The following CDC40 variants were observed in gnomAD, a reference collection of about 807,000 sequenced individuals.
CDC40 encodes cell division cycle 40, also known as pre-mRNA-processing factor 17.
In CDC40, 27 loss-of-function variants were observed where a neutral mutation model predicts 80.6. The observed-to-expected ratio is 0.33, with a 90% CI of 0.25 to 0.46. The LOEUF (loss-of-function observed/expected upper bound fraction) is 0.46. Ranked by LOEUF, CDC40 falls within the 20% of genes least tolerant of loss-of-function variation. The pLI, the probability that CDC40 is intolerant of heterozygous loss-of-function variation, is 1.00. For synonymous variants in CDC40, 221 were observed against 232.6 expected (o/e 0.95, Z 0.45); for missense variants, 486 against 694.1 (o/e 0.70, Z 3.37).
chr6:110,227,100 G>A (rs1777873956), intron 13 of CDC40, among the ~76,000 whole-genome samples: 1 of 152,076 alleles, frequency 6.6e-6, no homozygotes, highest in African/African-American at 2.4e-5. Context: ...GAACACTTTA[G>A]CAATTCACTA....
chr6:110,186,440 C>T (rs529069036), intron 1 of CDC40, among the ~76,000 whole-genome samples: 187 of 152,084 alleles, frequency 1.2e-3, no homozygotes, highest in Non-Finnish European at 3.2e-4. Flanking sequence ...GCCAGAATCA[C>T]GCCACTGCAC....
rs114042170 is a variant in CDC40, at chr6:110,190,353, T to C, written c.190-2829T>C. Among the ~76,000 whole-genome samples the C allele has an allele frequency of 2.3e-3, 349 of 152,068 alleles. 1 individual carries two copies. Among genetic ancestry groups the C allele is most frequent in the African/African-American group, 8.1e-3 (337 of 41,456 alleles). ...AGCAATTAGTCTAATATGACAAAAGTGAGGGTGTATTAAAGCAGATAAGGA... is the reference window on the plus strand; with the variant it reads ...AGCAATTAGTCTAATATGACAAAAGCGAGGGTGTATTAAAGCAGATAAGGA... On this transcript the variant is annotated intron_variant, in intron 1 of 14. Coordinates refer to ENST00000307731, the MANE Select transcript of CDC40 (RefSeq NM_015891.3).
At chr6:110,186,377 G>C (rs1214022913) in intron 1 of CDC40, among the ~76,000 whole-genome samples, 1 of 152,028 alleles carries the variant, frequency 6.6e-6, no homozygotes, top group African/African-American at 2.4e-5. Context: ...CCAGCTACTT[G>C]GGAGGCTAAG....
At chr6:110,192,828 A>C (rs903613167) in intron 1 of CDC40, among the ~76,000 whole-genome samples, 2 of 152,232 alleles carry the variant, frequency 1.3e-5, no homozygotes, top group African/African-American at 4.8e-5. Context: ...CAGTTTGCTG[A>C]GTAAAAAAAG....
chr6:110,184,369 G>A (rs904737855), intron 1 of CDC40, among the ~76,000 whole-genome samples: 1 of 150,144 alleles, frequency 6.7e-6, no homozygotes, highest in Non-Finnish European at 1.5e-5. Context: ...CATTTGTTTA[G>A]GCCTTTTTTT....
Position 110,219,452 on chromosome 6 carries a change from T to C in CDC40, c.1179T>C (p.Ala393=). 3 of 1,600,544 alleles carry C rather than the reference T, an allele frequency of 1.9e-6. No homozygotes were observed. In the South Asian group the frequency reaches 3.3e-5, roughly 18 times the overall value. Residue 393 remains alanine, a synonymous_variant, in exon 11 of 15, where the codon GCT becomes GCC. Transcript: ENST00000307731. ...AAGATAAGCAAAATCTCTTTGTGGC[T>C]GGGATGTCTGATAAGAAGATTGTGC... is the stretch of plus-strand genomic sequence containing the variant. The part of the protein sequence containing the change: ...PDEDKQNLFV[A]GMSDKKIVQW...
chr6:110,201,451 A>C, intron 2 of CDC40, 107 bp from the exon 3 acceptor site: 6 of 739,692 alleles, frequency 8.1e-6, no homozygotes, highest in Non-Finnish European at 1.0e-5. Context: ...CAGATAGGTT[A>C]ATAGGCCCTT....
In CDC40 at chr6:110,220,134, T is replaced by A. The variant is rs73537958; in HGVS notation, c.1340+265T>A. On this transcript the variant is annotated intron_variant, in intron 12 of 14. Coordinates refer to ENST00000307731, the MANE Select transcript of CDC40 (RefSeq NM_015891.3). ...TTCTTATACGGATGACAGATTTGTA[T>A]TTTGCTGTCTTACATTCTTTATTAG... Among the ~76,000 whole-genome samples the A allele has an allele frequency of 2.2e-3, 339 of 152,286 alleles. 1 individual carries two copies. Among genetic ancestry groups the A allele is most frequent in the African/African-American group, 7.1e-3 (294 of 41,564 alleles).
chr6:110,190,041 T>A (rs942249098), intron 1 of CDC40, among the ~76,000 whole-genome samples: 6 of 152,220 alleles, frequency 3.9e-5, no homozygotes, highest in African/African-American at 1.2e-4. Context: ...AACAAATATT[T>A]ATTGAATATG....
intron 1 of CDC40, among the ~76,000 whole-genome samples, chr6:110,186,732 G>T (rs1777275702): frequency 6.6e-6 from 1 of 151,758 alleles, no homozygotes; most frequent in African/African-American, 2.4e-5. Context: ...TTGAGATATG[G>T]TTTCATTCTT....
intron 6 of CDC40, chr6:110,211,274 A>G (rs1777633783): frequency 6.6e-6 from 1 of 152,150 alleles, no homozygotes; most frequent in African/African-American, 2.4e-5. Context: ...ACTTATTTTG[A>G]CTTGTAGAAG....
chr6:110,184,702 T>C (rs1425386865), intron 1 of CDC40, among the ~76,000 whole-genome samples: 3 of 152,140 alleles, frequency 2.0e-5, no homozygotes, highest in Non-Finnish European at 4.4e-5. Context: ...CCAGGCAAAT[T>C]TTAACCAAGA....
intron 2 of CDC40, 144 bp downstream of exon 2, chr6:110,193,412 G>GTTT: frequency 2.0e-6 from 1 of 505,746 alleles, no homozygotes; most frequent in South Asian, 2.7e-5. Context: ...CTTTTTTGTT[G>GTTT]TTTTTTTTTT....
chr6:110,214,930 A>G (rs1166055274), intron 8 of CDC40, among the ~76,000 whole-genome samples: 1 of 152,242 alleles, frequency 6.6e-6, no homozygotes, highest in Non-Finnish European at 1.5e-5. Flanking sequence ...TAGTGCTACA[A>G]AAGTAGAAAC....
intron 3 of CDC40, among the ~76,000 whole-genome samples, chr6:110,204,769 C>T (rs890750199): frequency 2.0e-5 from 3 of 150,162 alleles, no homozygotes; most frequent in African/African-American, 7.4e-5. Flanking sequence ...AGGCAATTCT[C>T]ATGCCTCAGC....
At chr6:110,190,124 A>G (rs1777326123) in intron 1 of CDC40, among the ~76,000 whole-genome samples, 1 of 152,220 alleles carries the variant, frequency 6.6e-6, no homozygotes, top group South Asian at 2.1e-4. Flanking sequence ...AACAAATAAT[A>G]TATCACAAGT....
intron 2 of CDC40, among the ~76,000 whole-genome samples, chr6:110,199,590 T>A (rs1429545502): frequency 1.4e-5 from 2 of 146,712 alleles, no homozygotes; most frequent in Non-Finnish European, 3.0e-5. Flanking sequence ...GGAGACCCTG[T>A]CTCAAAAAAA....
chr6:110,211,026 T>A (rs1777630705), intron 6 of CDC40: 1 of 219,254 alleles, frequency 4.6e-6, no homozygotes. Context: ...AGATAATTTT[T>A]TTCCAAGTGT....
chr6:110,186,158 CAT>C (rs1472011679), intron 1 of CDC40, among the ~76,000 whole-genome samples: 1 of 152,182 alleles, frequency 6.6e-6, no homozygotes, highest in African/African-American at 2.4e-5. Context: ...TCTTACATCT[CAT>C]ATGCAAGATA....
Sources: gnomAD v4.1 joint callset for allele counts (sites outside exome capture counted in the v4.1 genomes callset) on GRCh38, gnomAD v4.1.1 for gene constraint, MANE v1.5 for transcripts, NCBI Gene and HGNC (gene_info 2026-07-23, HGNC 2026-07-21) for gene names.